The following COPS3 variants were observed in gnomAD, a reference collection of about 807,000 sequenced individuals.
COPS3 encodes the protein COP9 signalosome complex subunit 3.
COPS3 carries 10 observed loss-of-function variants against 58.2 expected under a neutral mutation model. The ratio of observed to expected loss-of-function variants is 0.17; its 90% CI spans 0.11 to 0.29. The LOEUF (loss-of-function observed/expected upper bound fraction) is 0.29. Among genes scored for constraint, COPS3 ranks in the 10% least tolerant of loss-of-function variants. The pLI, the probability that COPS3 is intolerant of heterozygous loss-of-function variation, is 1.00. For missense variants in COPS3, 333 were observed against 510.1 expected, an observed-to-expected ratio of 0.65 and a Z score of 3.34; for synonymous variants, 187 against 181.7, an observed-to-expected ratio of 1.03 and a Z score of -0.24.
At chr17:17,250,960 C>A (rs2047829430) in intron 9 of COPS3, among the ~76,000 whole-genome samples, 1 of 152,164 alleles carries the variant, frequency 6.6e-6, no homozygotes, top group South Asian at 2.1e-4. Flanking sequence ...AATAAATTAA[C>A]CAGAACTGGA....
At chr17:17,262,457 C>T (rs1454167788) in intron 6 of COPS3, among the ~76,000 whole-genome samples, 6 of 151,986 alleles carry the variant, frequency 3.9e-5, no homozygotes, top group African/African-American at 1.2e-4. Context: ...AGGCCAGGCG[C>T]GGTGGCTTAT....
In COPS3 at chr17:17,270,975, G is replaced by C. The variant is rs779859122; in HGVS notation, c.219C>G (p.Asp73Glu). The change falls in exon 3 of 12, where the codon GAC (aspartate) becomes GAG (glutamate). Residue 73 changes from aspartate to glutamate, a missense_variant. Physicochemically the swap from Asp to Glu is conservative, Grantham distance 45 (BLOSUM62 2). Transcript: ENST00000268717. The stretch of plus-strand genomic sequence containing the variant: ...GAACCTGTGAGAATAGCGTTTCGAA[G>C]TCAGGAACACTGGGCATAGAAAACT... ...FVKFSMPSVPDFETLFSQVQL... is the reference protein window; with the variant it reads ...FVKFSMPSVPEFETLFSQVQL... 1.2e-6 allele frequency: 2 copies of C among 1,614,012 alleles called. No individual in the cohort carries two copies. The highest frequency in any genetic ancestry group is 4.5e-5 in the East Asian group (2 of 44,890).
At chr17:17,254,814 G>GAAAAAACAAAAAAAA in intron 9 of COPS3, 45 bp downstream of exon 9, 1 of 814,386 alleles carries the variant, frequency 1.2e-6, no homozygotes, top group Non-Finnish European at 1.7e-6. Context: ...ATCTCAAAAA[G>GAAAAAACAAAAAAAA]AAAAAAAAAA....
At chr17:17,249,145 T>G (rs2047785526) in intron 9 of COPS3, 106 bp from the exon 10 acceptor site, 3 of 631,460 alleles carry the variant, frequency 4.8e-6, no homozygotes, top group Non-Finnish European at 5.5e-6. Context: ...AACATGGATA[T>G]AAATAAACTT....
In COPS3 at chr17:17,281,206, G is replaced by A. The variant is rs1466656685; in HGVS notation, c.-20C>T. On this transcript the variant is annotated 5_prime_UTR_variant, in exon 1 of 12. Coordinates refer to ENST00000268717, the MANE Select transcript of COPS3 (RefSeq NM_003653.4). ...CGCCATGTTTTCCCCCGGGCGGCCC[G>A]AGCGGCGAAGGCAGCACGCGCGGGA... The A allele has an allele frequency of 2.5e-6, 4 of 1,605,656 alleles. No homozygotes were observed. The highest frequency in any genetic ancestry group is 3.4e-6 in the Non-Finnish European group (4 of 1,176,556).
At chr17:17,267,735 T>C in intron 5 of COPS3, 150 bp downstream of exon 5, 1 of 594,118 alleles carries the variant, frequency 1.7e-6, no homozygotes, top group Non-Finnish European at 2.7e-6. Flanking sequence ...AGCACCCGCC[T>C]GAATGTAATA....
In COPS3 at chr17:17,262,021, C is replaced by T. The variant is rs2048112390; in HGVS notation, c.707G>A (p.Gly236Asp). Residue 236 changes from glycine to aspartate, a missense_variant, in exon 7 of 12, where the codon GGC becomes GAC. Transcript: ENST00000268717. ...KYILVSLILL[G>D]KVQQLPKYTS... Reference sequence around the variant, plus strand: ...ATATTTTGGTAGCTGTTGTACTTTGCCAAGTAATATCAAAGACACTAAAAT... The same window carrying T: ...ATATTTTGGTAGCTGTTGTACTTTGTCAAGTAATATCAAAGACACTAAAAT... 2 of 1,607,048 alleles carry T rather than the reference C, an allele frequency of 1.2e-6. No homozygotes were observed. Among genetic ancestry groups the T allele is most frequent in the Non-Finnish European group, 1.7e-6 (2 of 1,175,696 alleles).
rs763003315 is a variant in COPS3 at position 17,247,105 on chromosome 17, T to A, written c.1265A>T (p.Tyr422Phe). The change falls in exon 12 of 12, where the codon TAT becomes TTT. Residue 422 changes from tyrosine to phenylalanine, a missense_variant. Transcript: ENST00000268717. ...EDDSGNKPSSYS is the reference protein window; with the variant it reads ...EDDSGNKPSSFS ...TCAGGATGGATGTTAGTTTCAAGAA[T>A]AACTGGATGGTTTGTTTCCTGAATC... is the stretch of plus-strand genomic sequence containing the variant. The A allele has an allele frequency of 1.9e-6, 3 of 1,613,608 alleles. No homozygotes were observed. The highest frequency in any genetic ancestry group is 2.5e-6 in the Non-Finnish European group (3 of 1,179,608).
At chr17:17,280,839 C>T in intron 1 of COPS3, 1 of 1,227,426 alleles carries the variant, frequency 8.1e-7, no homozygotes, top group Non-Finnish European at 1.1e-6. Context: ...GGAAGTCACG[C>T]CCCCAAACTG....
chr17:17,266,485 T>C (rs1453073552), intron 5 of COPS3, among the ~76,000 whole-genome samples: 1 of 152,138 alleles, frequency 6.6e-6, no homozygotes, highest in African/African-American at 2.4e-5. Context: ...CCTTCTGGAC[T>C]TTGAACATCG....
intron 8 of COPS3, 132 bp from the exon 9 acceptor site, chr17:17,255,077 A>G (rs2047937900): frequency 1.0e-5 from 6 of 591,764 alleles, no homozygotes; most frequent in Non-Finnish European, 1.8e-5. Context: ...TGAGGTGGGC[A>G]GATCATGAGG....
At chr17:17,261,659 A>T (rs1454717273) in intron 7 of COPS3, 1 of 439,530 alleles carries the variant, frequency 2.3e-6, no homozygotes, top group East Asian at 7.2e-5. Context: ...CAGGAGTTCA[A>T]CACCAACCTG....
intron 1 of COPS3, among the ~76,000 whole-genome samples, chr17:17,277,632 C>G (rs2048488601): frequency 6.6e-6 from 1 of 151,996 alleles, no homozygotes; most frequent in Non-Finnish European, 1.5e-5. Context: ...GTTGCCCAGT[C>G]TGGTCTCTAA....
chr17:17,278,950 C>T (rs1274252391), intron 1 of COPS3, among the ~76,000 whole-genome samples: 1 of 151,508 alleles, frequency 6.6e-6, no homozygotes, highest in Non-Finnish European at 1.5e-5. Context: ...TCTTGGCTCA[C>T]TGCAAGCTCC....
chr17:17,253,636 T>C (rs2047898504), intron 9 of COPS3, among the ~76,000 whole-genome samples: 1 of 152,132 alleles, frequency 6.6e-6, no homozygotes, highest in Non-Finnish European at 1.5e-5. Context: ...TAAGTCAGAA[T>C]GTCAGTCAAT....
Position 17,251,290 on chromosome 17 carries a change from G to A in COPS3, c.1024-2251C>T, listed in dbSNP as rs1474314845. On this transcript the variant is annotated intron_variant, in intron 9 of 11. Transcript: ENST00000268717. The stretch of plus-strand genomic sequence containing the variant: ...ATTACAGGTGTGAGCCACCATACCC[G>A]GCCTATTTATTTATTTTTTTGGAGA... Among the ~76,000 whole-genome samples the A allele has an allele frequency of 2.7e-5, 4 of 148,750 alleles. No individual in the cohort carries two copies. In the East Asian group the frequency reaches 8.1e-4, roughly 30 times the overall value.
intron 9 of COPS3, among the ~76,000 whole-genome samples, chr17:17,252,533 C>A (rs1253554931): frequency 6.6e-6 from 1 of 152,208 alleles, no homozygotes; most frequent in African/African-American, 2.4e-5. Context: ...GCACCCCCAT[C>A]TGTGAAAACC....
intron 2 of COPS3, among the ~76,000 whole-genome samples, chr17:17,272,056 CA>C (rs2048365495): frequency 6.6e-6 from 1 of 151,380 alleles, no homozygotes; most frequent in Non-Finnish European, 1.5e-5. Context: ...CCAAGGTGGG[CA>C]GATGGGCAGA....
intron 10 of COPS3, chr17:17,247,842 A>C (rs2047757280): frequency 6.4e-6 from 2 of 310,896 alleles, no homozygotes; most frequent in Non-Finnish European, 1.2e-5. Context: ...AGATAAATGA[A>C]GACTAGACAC....
Sources: gnomAD v4.1 joint callset for allele counts (sites outside exome capture counted in the v4.1 genomes callset) on GRCh38, gnomAD v4.1.1 for gene constraint, MANE v1.5 for transcripts, NCBI Gene and HGNC (gene_info 2026-07-23, HGNC 2026-07-21) for gene names.